Variants in GLIS1 observed in about 807,000 individuals in gnomAD.
GLIS1 encodes the protein GLIS family zinc finger 1.
In GLIS1, 24 loss-of-function variants were observed where a neutral mutation model predicts 63.8. The observed-to-expected ratio is 0.38, with a 90% confidence interval of 0.27 to 0.53. GLIS1 has a LOEUF of 0.53. Among genes scored for constraint, GLIS1 ranks in the 20% least tolerant of loss-of-function variants. The pLI, the probability that GLIS1 is intolerant of heterozygous loss-of-function variation, is 0.85. For synonymous variants in GLIS1, 450 were observed against 482.5 expected (o/e 0.93, Z 0.88); for missense variants, 1,036 against 1,074.1 (o/e 0.96, Z 0.50).
At chr1:53,648,100 G>A (rs1416287710) in intron 2 of GLIS1, among the ~76,000 whole-genome samples, 1 of 152,108 alleles carries the variant, frequency 6.6e-6, no homozygotes, top group Non-Finnish European at 1.5e-5. Flanking sequence ...CTTGAGCCTA[G>A]GAGGTGGAGG....
chr1:53,551,417 A>T (rs1353563557), intron 4 of GLIS1, among the ~76,000 whole-genome samples: 2 of 152,132 alleles, frequency 1.3e-5, no homozygotes, highest in Non-Finnish European at 2.9e-5. Context: ...TATGCAGAGG[A>T]GGGATAATTG....
chr1:53,514,710 G>C lies in GLIS1; in HGVS notation c.1798C>G (p.Pro600Ala). 1 of 1,613,730 alleles carries C rather than the reference G, an allele frequency of 6.2e-7. No homozygotes were observed. Among genetic ancestry groups the C allele is most frequent in the South Asian group, 1.1e-5 (1 of 91,058 alleles). ...SGLLPPAHDV[P>A]SRHHPLDATT... is the part of the protein sequence containing the mutation. ...GCATCCAGCGGGTGGTGCCTGGAAG[G>C]TACGTCGTGCGCTGGGGGCAGGAGG... Residue 600 changes from proline (P) to alanine (A), a missense_variant, in exon 8 of 11, where the codon CCT becomes GCT. Around this residue, in one of 3 missense-constraint regions of GLIS1, gnomAD observed 400 missense variants for 400.9 expected, o/e 1.00. Coordinates refer to ENST00000628545, the MANE Select transcript of GLIS1 (RefSeq NM_001367484.1).
chr1:53,613,143 A>G (rs969960627), intron 2 of GLIS1, among the ~76,000 whole-genome samples: 1 of 152,186 alleles, frequency 6.6e-6, no homozygotes, highest in African/African-American at 2.4e-5. Flanking sequence ...AATGCTTTTT[A>G]TATTTTATCC....
At position 53,739,113 on chromosome 1, in the gene GLIS1, G is replaced by A. The variant is rs1481839627; in HGVS notation, c.-51C>T. On this transcript the variant is annotated 5_prime_UTR_variant, in exon 1 of 11. Coordinates refer to ENST00000628545, the MANE Select transcript of GLIS1 (RefSeq NM_001367484.1). Reference sequence around the variant, plus strand: ...GCCGCGCCCCCTCTCACCTCGCAGCGGCAGCTGCAGATCGCTGGGCGCCCG... The same window carrying A: ...GCCGCGCCCCCTCTCACCTCGCAGCAGCAGCTGCAGATCGCTGGGCGCCCG... Among the ~76,000 whole-genome samples the A allele has an allele frequency of 6.6e-6, 1 of 150,620 alleles. No individual in the cohort carries two copies. The highest frequency in any genetic ancestry group is 6.6e-5 in the Admixed American group (1 of 15,136).
intron 4 of GLIS1, among the ~76,000 whole-genome samples, chr1:53,562,016 C>T (rs142394901): frequency 2.0e-5 from 3 of 152,218 alleles, no homozygotes; most frequent in Non-Finnish European, 4.4e-5. Flanking sequence ...TCGGTTTCAA[C>T]GTCTTCCCAT....
At chr1:53,723,853 A>T (rs1646780192) in intron 2 of GLIS1, among the ~76,000 whole-genome samples, 1 of 152,232 alleles carries the variant, frequency 6.6e-6, no homozygotes. Flanking sequence ...GTTAAAATCC[A>T]GGAACCTACA....
Position 53,560,565 on chromosome 1 carries a change from G to A in GLIS1, c.1321-30613C>T, listed in dbSNP as rs988920113. ...GAGGCTGTGGTCGGGAGGGCAGAGC[G>A]GGCTATAGGTGAGACTGAAGACAGG... On this transcript the variant is annotated intron_variant, in intron 4 of 10. Coordinates refer to ENST00000628545, the MANE Select transcript of GLIS1 (RefSeq NM_001367484.1). The surrounding 1 kb of genome is among the most constrained non-coding windows in gnomAD (Gnocchi z 4.4). Among the ~76,000 whole-genome samples the A allele has an allele frequency of 5.3e-5, 8 of 152,206 alleles. No individual in the cohort carries two copies. Among genetic ancestry groups the A allele is most frequent in the Admixed American group, 2.6e-4 (4 of 15,284 alleles).
At chr1:53,692,317 T>C (rs1445740924) in intron 2 of GLIS1, among the ~76,000 whole-genome samples, 5 of 152,100 alleles carry the variant, frequency 3.3e-5, no homozygotes, top group Non-Finnish European at 7.4e-5. Flanking sequence ...CCTCCATGGC[T>C]CCCCACTGCC....
At chr1:53,689,594 A>T (rs1646379688) in intron 2 of GLIS1, among the ~76,000 whole-genome samples, 1 of 152,076 alleles carries the variant, frequency 6.6e-6, no homozygotes, top group African/African-American at 2.4e-5. Flanking sequence ...AGCGCTCAAG[A>T]GGTCTTCATT....
At chr1:53,600,343 G>C in intron 2 of GLIS1, 65 bp from the exon 3 acceptor site, 1 of 1,058,962 alleles carries the variant, frequency 9.4e-7, no homozygotes, top group Non-Finnish European at 1.2e-6. Flanking sequence ...AGGGGTATGG[G>C]GAGAGGGCAG....
At chr1:53,677,249 C>T (rs577585305) in intron 2 of GLIS1, among the ~76,000 whole-genome samples, 4 of 152,202 alleles carry the variant, frequency 2.6e-5, no homozygotes, top group South Asian at 2.1e-4. Flanking sequence ...TTTTCACCAA[C>T]GAACAAAATT....
chr1:53,524,505 G>T (rs549681509), intron 6 of GLIS1, among the ~76,000 whole-genome samples: 12 of 152,388 alleles, frequency 7.9e-5, no homozygotes, highest in Admixed American at 3.3e-4. Flanking sequence ...CAAGCCGCGG[G>T]AGGTGCACAG....
chr1:53,641,434 G>A (rs1302368349), intron 2 of GLIS1, among the ~76,000 whole-genome samples: 1 of 152,198 alleles, frequency 6.6e-6, no homozygotes, highest in Non-Finnish European at 1.5e-5. Context: ...GTCTGGGGAG[G>A]AGGAAAACAG....
intron 2 of GLIS1, among the ~76,000 whole-genome samples, chr1:53,697,284 C>T (rs1570066141): frequency 6.6e-6 from 1 of 152,264 alleles, no homozygotes; most frequent in South Asian, 2.1e-4. Context: ...CCCCTGCCTA[C>T]TGGCAGAGTT....
Position 53,558,739 on chromosome 1 carries a change from A to C in GLIS1, c.1321-28787T>G, listed in dbSNP as rs559337360. Among the ~76,000 whole-genome samples, 8 of 152,296 alleles carry C rather than the reference A, an allele frequency of 5.3e-5. No homozygotes were observed. The South Asian group carries it at 1.7e-3, about 32-fold the overall frequency. ...CAAAAGCTGAGTGAGTGAATGAATG[A>C]ATTAATAAATGCCACCTTCCCCTCT... On this transcript the variant is annotated intron_variant, in intron 4 of 10. Transcript: ENST00000628545.
At chr1:53,658,537 G>C (rs1645991368) in intron 2 of GLIS1, among the ~76,000 whole-genome samples, 1 of 152,214 alleles carries the variant, frequency 6.6e-6, no homozygotes, top group Non-Finnish European at 1.5e-5. Context: ...GTCATTATGG[G>C]CTCAAGGTCA....
chr1:53,710,136 A>C (rs574908555), intron 2 of GLIS1, among the ~76,000 whole-genome samples: 157 of 152,292 alleles, frequency 1.0e-3, no homozygotes, highest in Non-Finnish European at 1.7e-3. Flanking sequence ...CTGAACCCCC[A>C]GAGAATCCAG....
intron 2 of GLIS1, among the ~76,000 whole-genome samples, chr1:53,602,664 C>T (rs530827097): frequency 6.6e-6 from 1 of 152,302 alleles, no homozygotes; most frequent in Admixed American, 6.5e-5. Context: ...GCAGGACAGC[C>T]ATTTTCCAGA....
chr1:53,569,442 G>A (rs866666741), intron 4 of GLIS1, among the ~76,000 whole-genome samples: 8 of 151,790 alleles, frequency 5.3e-5, no homozygotes, highest in Non-Finnish European at 7.4e-5. Flanking sequence ...CTGTTTTGCC[G>A]TGAACCTAAA....
Sources: gnomAD v4.1 joint callset for allele counts (sites outside exome capture counted in the v4.1 genomes callset) on GRCh38, gnomAD v4.1.1 for gene constraint, gnomAD v4.1.1 regional missense constraint, Gnocchi (gnomAD v3.1) non-coding constraint, MANE v1.5 for transcripts, NCBI Gene and HGNC (gene_info 2026-07-23, HGNC 2026-07-21) for gene names.